The following KCNIP4 variants were observed in gnomAD, a reference collection of about 807,000 sequenced individuals.
The protein encoded by KCNIP4 is Kv channel-interacting protein 4.
A neutral mutation model predicts 34.0 loss-of-function variants in KCNIP4; 12 were observed. That is an observed-to-expected ratio of 0.35 (90% CI 0.23 to 0.57). The LOEUF is 0.57. KCNIP4 is among the 20% of genes least tolerant of loss of function. KCNIP4 has a pLI of 0.83. For synonymous variants in KCNIP4, 124 were observed against 102.2 expected (o/e 1.21, Z -1.29); for missense variants, 238 against 311.7 (o/e 0.76, Z 1.78).
intron 1 of KCNIP4, among the ~76,000 whole-genome samples, chr4:21,622,224 T>C (rs537312961): frequency 6.6e-6 from 1 of 152,304 alleles, no homozygotes; most frequent in South Asian, 2.1e-4. Context: ...AAAAACTGCT[T>C]GCTAAAGTCT....
At chr4:21,416,946 G>C (rs931839897) in intron 1 of KCNIP4, among the ~76,000 whole-genome samples, 2 of 152,260 alleles carry the variant, frequency 1.3e-5, no homozygotes, top group East Asian at 1.9e-4. Flanking sequence ...GCTGATGAGA[G>C]AAAAATGCTT....
chr4:21,571,655 A>T (rs1251446754), intron 1 of KCNIP4, among the ~76,000 whole-genome samples: 2 of 151,896 alleles, frequency 1.3e-5, no homozygotes, highest in Non-Finnish European at 1.5e-5. Context: ...CAGGCAAGTT[A>T]AATGAAAACT....
chr4:21,285,074 T>A (rs1037814577), intron 1 of KCNIP4, among the ~76,000 whole-genome samples: 2 of 152,230 alleles, frequency 1.3e-5, no homozygotes, highest in Non-Finnish European at 2.9e-5. Context: ...ATCCCCATTA[T>A]GGCTTAGGTT....
At chr4:21,360,164 C>G (rs1719065888) in intron 1 of KCNIP4, among the ~76,000 whole-genome samples, 1 of 151,890 alleles carries the variant, frequency 6.6e-6, no homozygotes, top group African/African-American at 2.4e-5. Flanking sequence ...ATAGACATGA[C>G]CTTGTACTTA....
intron 1 of KCNIP4, among the ~76,000 whole-genome samples, chr4:21,227,539 T>A (rs1162306693): frequency 1.3e-5 from 2 of 152,140 alleles, no homozygotes; most frequent in African/African-American, 4.8e-5. Context: ...ATGGCTCTTC[T>A]CTCTTTTGTG....
intron 1 of KCNIP4, among the ~76,000 whole-genome samples, chr4:21,518,573 G>A (rs1404111117): frequency 6.6e-6 from 1 of 152,090 alleles, no homozygotes. Flanking sequence ...AGGACCTGAA[G>A]AGGTAGGACC....
intron 1 of KCNIP4, among the ~76,000 whole-genome samples, chr4:21,435,083 G>T (rs1726832158): frequency 1.3e-5 from 2 of 152,148 alleles, no homozygotes; most frequent in South Asian, 4.1e-4. Context: ...GAAAACAGGG[G>T]TCGCTCTTTT....
chr4:20,886,599 G>T (rs531402138), intron 1 of KCNIP4, among the ~76,000 whole-genome samples: 1 of 152,282 alleles, frequency 6.6e-6, no homozygotes, highest in African/African-American at 2.4e-5. Flanking sequence ...AGTTGTTAGA[G>T]TTCTAGCCCT....
At chr4:20,792,394 G>A (rs1178875473) in intron 3 of KCNIP4, among the ~76,000 whole-genome samples, 1 of 151,362 alleles carries the variant, frequency 6.6e-6, no homozygotes, top group East Asian at 1.9e-4. Context: ...AAAACCCAAA[G>A]CAAACAACAA....
At chr4:20,921,234 A>T (rs953488933) in intron 1 of KCNIP4, among the ~76,000 whole-genome samples, 1 of 152,162 alleles carries the variant, frequency 6.6e-6, no homozygotes. Flanking sequence ...GTTGACGCCA[A>T]TGTTTAAAAG....
intron 1 of KCNIP4, among the ~76,000 whole-genome samples, chr4:21,215,647 G>C (rs1166443479): frequency 6.6e-6 from 1 of 152,068 alleles, no homozygotes; most frequent in Non-Finnish European, 1.5e-5. Context: ...CTGTTGCCTG[G>C]CACATCTTAC....
At chr4:21,365,492 A>AATAAATAAATAG (rs1360406809) in intron 1 of KCNIP4, among the ~76,000 whole-genome samples, 100 of 104,134 alleles carry the variant, frequency 9.6e-4, no homozygotes, top group African/African-American at 4.0e-3. Context: ...TAAATAAATA[A>AATAAATAAATAG]ATAAATAAAT....
chr4:21,830,031 T>C (rs1041217270), intron 1 of KCNIP4, among the ~76,000 whole-genome samples: 1 of 152,162 alleles, frequency 6.6e-6, no homozygotes, highest in Non-Finnish European at 1.5e-5. Context: ...GATTAAATTA[T>C]CCAATCAAAG....
At position 21,621,683 on chromosome 4, in the gene KCNIP4, G is replaced by A. The variant is rs373479771; in HGVS notation, c.61+326888C>T. On this transcript the variant is annotated intron_variant, in intron 1 of 8. Coordinates refer to ENST00000382152, the MANE Select transcript of KCNIP4 (RefSeq NM_025221.6). ...ACTTCTTTTTTTTAATAGACAAAAA[G>A]GCAAAAGGAGGTTTTCACAATAGAC... Among the ~76,000 whole-genome samples, 198 of 152,118 alleles carry A rather than the reference G, an allele frequency of 1.3e-3. 7 individuals are homozygous for A. In the South Asian group the frequency reaches 0.036, roughly 27 times the overall value.
At chr4:21,065,618 C>A (rs1307993534) in intron 1 of KCNIP4, among the ~76,000 whole-genome samples, 1 of 150,514 alleles carries the variant, frequency 6.6e-6, no homozygotes, top group Non-Finnish European at 1.5e-5. Flanking sequence ...GCTGACTGTA[C>A]AATATTGTGG....
At chr4:21,654,551 G>C (rs1276373259) in intron 1 of KCNIP4, among the ~76,000 whole-genome samples, 1 of 151,800 alleles carries the variant, frequency 6.6e-6, no homozygotes, top group Non-Finnish European at 1.5e-5. Flanking sequence ...CTAGATAAAA[G>C]GGCTGTGCCA....
chr4:21,940,210 A>G (rs1376809596), intron 1 of KCNIP4, among the ~76,000 whole-genome samples: 1 of 152,166 alleles, frequency 6.6e-6, no homozygotes, highest in Admixed American at 6.5e-5. Flanking sequence ...CCCATATTAC[A>G]ATTAGAAAAA....
chr4:21,561,645 T>TA (rs1296057013), intron 1 of KCNIP4, among the ~76,000 whole-genome samples: 2 of 151,768 alleles, frequency 1.3e-5, no homozygotes, highest in Admixed American at 6.6e-5. Flanking sequence ...TGTCTTCCAC[T>TA]AAAAAAATCA....
chr4:21,308,925 C>G (rs750933807), intron 1 of KCNIP4, among the ~76,000 whole-genome samples: 1 of 150,798 alleles, frequency 6.6e-6, no homozygotes, highest in Non-Finnish European at 1.5e-5. Flanking sequence ...GGCTCTACTG[C>G]TGCATGAAGG....
Sources: gnomAD v4.1 joint callset for allele counts (sites outside exome capture counted in the v4.1 genomes callset) on GRCh38, gnomAD v4.1.1 for gene constraint, MANE v1.5 for transcripts, NCBI Gene and HGNC (gene_info 2026-07-23, HGNC 2026-07-21) for gene names.